The following SPSB1 variants were observed in gnomAD, a reference collection of about 807,000 sequenced individuals.
SPSB1 encodes the protein splA/ryanodine receptor domain and SOCS box containing 1.
A neutral mutation model predicts 21.2 loss-of-function variants in SPSB1; 8 were observed. The observed-to-expected ratio is 0.38, with a 90% CI of 0.22 to 0.68. SPSB1 has a LOEUF of 0.68. Among genes scored for constraint, SPSB1 ranks in the 30% least tolerant of loss-of-function variants. The probability of loss-of-function intolerance (pLI) is 0.53; values close to 1 mark genes in which losing one functional copy is unlikely to be tolerated. For missense variants in SPSB1, 242 were observed against 377.8 expected (o/e 0.64, Z 2.98); for synonymous variants, 169 against 161.7 (o/e 1.05, Z -0.34).
chr1:9,331,319 T>G (rs1242914229), intron 1 of SPSB1, among the ~76,000 whole-genome samples: 81 of 125,274 alleles, frequency 6.5e-4, no homozygotes, highest in African/African-American at 2.6e-3. Flanking sequence ...ACTGGTGCTC[T>G]TGTTTTTTTT....
chr1:9,361,188 A>G (rs111608800), intron 2 of SPSB1, among the ~76,000 whole-genome samples: 20,951 of 74,572 alleles, frequency 0.28, 2,116 homozygotes, highest in Middle Eastern at 0.4. Flanking sequence ...TTTTTTAGAG[A>G]TGGGGTCTCA....
intron 2 of SPSB1, among the ~76,000 whole-genome samples, chr1:9,364,212 G>A (rs1640519760): frequency 6.6e-6 from 1 of 152,242 alleles, no homozygotes; most frequent in Non-Finnish European, 1.5e-5. Flanking sequence ...GGGAGCTCAG[G>A]GCAGCCCAGA....
intron 2 of SPSB1, among the ~76,000 whole-genome samples, chr1:9,360,378 C>T (rs1400705156): frequency 6.6e-6 from 1 of 152,136 alleles, no homozygotes; most frequent in Admixed American, 6.5e-5. Flanking sequence ...TCACTTGGGT[C>T]AGGGGGCACG....
intron 2 of SPSB1, among the ~76,000 whole-genome samples, chr1:9,361,588 C>T (rs867089530): frequency 2.0e-5 from 3 of 152,334 alleles, no homozygotes; most frequent in African/African-American, 2.4e-5. Context: ...GGGCCGTGGC[C>T]GGGCGGAAGT....
At position 9,368,493 on chromosome 1, in the gene SPSB1, C is replaced by T. The variant is rs568370340; in HGVS notation, c.*918C>T. ...CGTCTGGAAGGGCTGCAGCAATTCCCCTGTGTCTCCAGGTAACCAGCTAAC... is the reference window on the plus strand; with the variant it reads ...CGTCTGGAAGGGCTGCAGCAATTCCTCTGTGTCTCCAGGTAACCAGCTAAC... On this transcript the variant is annotated 3_prime_UTR_variant, in exon 3 of 3. Transcript: ENST00000328089. 2.6e-4 allele frequency: 39 copies of T among 152,344 alleles called. No homozygotes were observed. Among genetic ancestry groups the T allele is most frequent in the African/African-American group, 9.4e-4 (39 of 41,576 alleles). 9.4% of individuals were successfully genotyped at this position (152,344 alleles called of 1,614,324 possible). A position where few individuals can be genotyped will look rare whatever the true frequency, so the allele number is the denominator to read the frequency against.
chr1:9,295,255 TG>T (rs1639202531), intron 1 of SPSB1, among the ~76,000 whole-genome samples: 1 of 150,970 alleles, frequency 6.6e-6, no homozygotes, highest in Non-Finnish European at 1.5e-5. Context: ...CGCGTGCGGT[TG>T]GGGAGGTGTG....
intron 1 of SPSB1, among the ~76,000 whole-genome samples, chr1:9,350,270 G>A (rs905877983): frequency 3.2e-4 from 48 of 152,368 alleles, no homozygotes; most frequent in African/African-American, 1.1e-3. Flanking sequence ...CAGCCTGAGG[G>A]CTGCGGACAG....
chr1:9,349,275 C>T (rs941911578), intron 1 of SPSB1, among the ~76,000 whole-genome samples: 2 of 152,218 alleles, frequency 1.3e-5, no homozygotes, highest in Non-Finnish European at 2.9e-5. Context: ...TCTGCTTCCC[C>T]GAGCCCAGCC....
At chr1:9,327,754 T>C (rs903114590) in intron 1 of SPSB1, among the ~76,000 whole-genome samples, 29 of 152,202 alleles carry the variant, frequency 1.9e-4, no homozygotes, top group African/African-American at 6.8e-4. Flanking sequence ...TTGTAGACCA[T>C]ATGGTGTCTG....
intron 1 of SPSB1, among the ~76,000 whole-genome samples, chr1:9,341,376 T>C (rs1414967764): frequency 6.6e-6 from 1 of 152,206 alleles, no homozygotes; most frequent in Non-Finnish European, 1.5e-5. Context: ...CTTGCACTCA[T>C]TGTTCAGATG....
At chr1:9,365,116 C>T (rs1461286187) in intron 2 of SPSB1, among the ~76,000 whole-genome samples, 2 of 152,218 alleles carry the variant, frequency 1.3e-5, no homozygotes, top group Non-Finnish European at 2.9e-5. Flanking sequence ...CTCGGCCTCC[C>T]GAAGTGCTGG....
At chr1:9,306,543 C>A (rs539544941) in intron 1 of SPSB1, among the ~76,000 whole-genome samples, 24 of 152,242 alleles carry the variant, frequency 1.6e-4, no homozygotes, top group African/African-American at 5.3e-4. Context: ...GTCCGTGATA[C>A]CTATAGGGTA....
At chr1:9,326,859 G>A (rs1378957358) in intron 1 of SPSB1, among the ~76,000 whole-genome samples, 4 of 152,210 alleles carry the variant, frequency 2.6e-5, no homozygotes, top group Non-Finnish European at 4.4e-5. Flanking sequence ...AAAAATCCCC[G>A]TGGATGCAGC....
chr1:9,330,257 C>T (rs1639892683), intron 1 of SPSB1, among the ~76,000 whole-genome samples: 1 of 152,126 alleles, frequency 6.6e-6, no homozygotes, highest in African/African-American at 2.4e-5. Context: ...CACCTGAGGT[C>T]AGGAGTTTGA....
At chr1:9,357,953 CT>C (rs1376651325) in intron 2 of SPSB1, among the ~76,000 whole-genome samples, 1 of 152,190 alleles carries the variant, frequency 6.6e-6, no homozygotes, top group Non-Finnish European at 1.5e-5. Context: ...GTTGACTGTC[CT>C]TAAAGGGCAG....
At chr1:9,328,629 C>G (rs566112242) in intron 1 of SPSB1, among the ~76,000 whole-genome samples, 1 of 152,336 alleles carries the variant, frequency 6.6e-6, no homozygotes, top group African/African-American at 2.4e-5. Flanking sequence ...GCACCAACGC[C>G]CCACCCACTG....
chr1:9,365,562 G>A (rs532296631), intron 2 of SPSB1, among the ~76,000 whole-genome samples: 2,765 of 146,426 alleles, frequency 0.019, 78 homozygotes, highest in African/African-American at 0.064. Flanking sequence ...GTGGCCTCTT[G>A]CGTGGTGAGA....
intron 1 of SPSB1, 118 bp from the exon 2 acceptor site, chr1:9,355,625 G>A (rs1640349039): frequency 8.7e-7 from 1 of 1,149,574 alleles, no homozygotes; most frequent in Non-Finnish European, 1.1e-6. Flanking sequence ...TGTCAGGCAT[G>A]ACAGAGCCCA....
intron 1 of SPSB1, among the ~76,000 whole-genome samples, chr1:9,335,138 G>A (rs1639983927): frequency 6.6e-6 from 1 of 151,696 alleles, no homozygotes; most frequent in Non-Finnish European, 1.5e-5. Context: ...TACAGGGCCT[G>A]TAAAATGCAC....
Sources: allele counts gnomAD v4.1 joint callset (sites outside exome capture counted in the v4.1 genomes callset), GRCh38; gene constraint gnomAD v4.1.1; transcripts MANE v1.5; gene names NCBI Gene and HGNC (gene_info 2026-07-23, HGNC 2026-07-21).